Variants in SLC25A12 observed in about 807,000 individuals in gnomAD.
SLC25A12 encodes the protein solute carrier family 25 member 12.
A neutral mutation model predicts 83.3 loss-of-function variants in SLC25A12; 32 were observed. The ratio of observed to expected loss-of-function variants is 0.38; its 90% CI spans 0.29 to 0.52. The LOEUF (loss-of-function observed/expected upper bound fraction) is 0.52, where lower values mean the gene tolerates loss of function less well. Ranked by LOEUF, SLC25A12 falls within the 20% of genes least tolerant of loss-of-function variation. The pLI is 0.84. For synonymous variants in SLC25A12, 267 were observed against 291.1 expected (o/e 0.92, Z 0.84); for missense variants, 611 against 835.6 (o/e 0.73, Z 3.31).
intron 13 of SLC25A12, among the ~76,000 whole-genome samples, chr2:171,806,483 C>G (rs574901715): frequency 6.6e-6 from 1 of 152,024 alleles, no homozygotes; most frequent in African/African-American, 2.4e-5. Flanking sequence ...AAAAACAAAC[C>G]AGATAATAAA....
At chr2:171,793,798 T>G (rs1683538716) in intron 13 of SLC25A12, 31 bp from the exon 14 acceptor site, 3 of 1,613,896 alleles carry the variant, frequency 1.9e-6, no homozygotes, top group Non-Finnish European at 2.5e-6. Context: ...ACAGGCAGAT[T>G]CCACATCAGA....
At chr2:171,859,929 G>C (rs1441917734) in intron 3 of SLC25A12, among the ~76,000 whole-genome samples, 1 of 152,008 alleles carries the variant, frequency 6.6e-6, no homozygotes, top group African/African-American at 2.4e-5. Context: ...CACCACACCA[G>C]GCTAATTTTT....
intron 2 of SLC25A12, among the ~76,000 whole-genome samples, chr2:171,886,692 T>A (rs768661929): frequency 3.3e-5 from 5 of 151,786 alleles, no homozygotes; most frequent in African/African-American, 9.7e-5. Context: ...TTGTATTTTT[T>A]GTAGAGACAG....
chr2:171,882,437 C>T (rs1685717565), intron 2 of SLC25A12, among the ~76,000 whole-genome samples: 1 of 152,186 alleles, frequency 6.6e-6, no homozygotes, highest in Admixed American at 6.5e-5. Context: ...GAAACAGTAC[C>T]TTTTCTCTGC....
intron 4 of SLC25A12, chr2:171,845,637 C>T: frequency 4.7e-6 from 1 of 210,634 alleles, no homozygotes; most frequent in South Asian, 6.1e-5. Flanking sequence ...TTAATGGATT[C>T]CCTTTAGTTT....
chr2:171,798,283 GC>G (rs1325339844), intron 13 of SLC25A12, among the ~76,000 whole-genome samples: 2 of 152,144 alleles, frequency 1.3e-5, no homozygotes, highest in South Asian at 2.1e-4. Context: ...AGTGCCAAAG[GC>G]CGAGGGGCTG....
chr2:171,831,005 T>C (rs529551719), intron 8 of SLC25A12, among the ~76,000 whole-genome samples: 1 of 152,344 alleles, frequency 6.6e-6, no homozygotes, highest in South Asian at 2.1e-4. Flanking sequence ...GTTGGTGAAG[T>C]ACACCATGAG....
intron 9 of SLC25A12, among the ~76,000 whole-genome samples, chr2:171,826,136 A>G (rs1169901370): frequency 6.6e-6 from 1 of 152,212 alleles, no homozygotes; most frequent in Admixed American, 6.5e-5. Context: ...AACCCTATAA[A>G]TATCAGTTTA....
intron 3 of SLC25A12, among the ~76,000 whole-genome samples, chr2:171,865,930 G>A (rs997849584): frequency 2.7e-5 from 4 of 149,204 alleles, no homozygotes; most frequent in Non-Finnish European, 6.0e-5. Context: ...GTGGAGGGAA[G>A]GTCAGCAGAT....
intron 5 of SLC25A12, among the ~76,000 whole-genome samples, chr2:171,842,525 T>C (rs920147538): frequency 2.6e-5 from 4 of 151,820 alleles, no homozygotes; most frequent in African/African-American, 9.7e-5. Context: ...ATCCAGGAGG[T>C]GGAGGTTGCA....
intron 2 of SLC25A12, among the ~76,000 whole-genome samples, chr2:171,871,166 C>T (rs1035983625): frequency 2.6e-5 from 4 of 152,120 alleles, no homozygotes; most frequent in African/African-American, 9.7e-5. Flanking sequence ...TGTGCCACCA[C>T]ACTCCAGTCT....
chr2:171,825,592 T>C (rs1684284253), intron 9 of SLC25A12, among the ~76,000 whole-genome samples: 1 of 152,172 alleles, frequency 6.6e-6, no homozygotes, highest in African/African-American at 2.4e-5. Flanking sequence ...TCTCTCTCTG[T>C]ATCCTGTCTT....
At chr2:171,867,207 C>T (rs1473739477) in intron 3 of SLC25A12, among the ~76,000 whole-genome samples, 191 of 140,756 alleles carry the variant, frequency 1.4e-3, no homozygotes, top group South Asian at 9.6e-3. Context: ...CAGGCAGAGA[C>T]GCTCCTCACT....
At chr2:171,873,504 A>G (rs1413962904) in intron 2 of SLC25A12, among the ~76,000 whole-genome samples, 2 of 152,196 alleles carry the variant, frequency 1.3e-5, no homozygotes, top group Admixed American at 6.5e-5. Flanking sequence ...GAACCAACAC[A>G]GTGGGCATGA....
At chr2:171,882,854 G>A (rs966923564) in intron 2 of SLC25A12, among the ~76,000 whole-genome samples, 1 of 152,172 alleles carries the variant, frequency 6.6e-6, no homozygotes, top group Non-Finnish European at 1.5e-5. Context: ...TTTCAAGTCT[G>A]TGTCTTGGGA....
At chr2:171,871,428 G>A (rs937929382) in intron 2 of SLC25A12, among the ~76,000 whole-genome samples, 1 of 152,180 alleles carries the variant, frequency 6.6e-6, no homozygotes, top group Non-Finnish European at 1.5e-5. Context: ...ATCCAAGCAT[G>A]GTGGCATGCG....
At chr2:171,785,503 A>C in intron 17 of SLC25A12, 28 bp from the exon 18 acceptor site, 1 of 1,606,810 alleles carries the variant, frequency 6.2e-7, no homozygotes, top group African/African-American at 1.3e-5. Context: ...GCCAATGGTT[A>C]GCATGCTCAA....
At chr2:171,850,212 T>C (rs1008518051) in intron 4 of SLC25A12, among the ~76,000 whole-genome samples, 1 of 151,384 alleles carries the variant, frequency 6.6e-6, no homozygotes, top group African/African-American at 2.4e-5. Context: ...GCCTCCCAGA[T>C]TCAAGCAATT....
intron 6 of SLC25A12, 111 bp downstream of exon 6, chr2:171,837,010 G>T: frequency 1.0e-6 from 1 of 1,004,114 alleles, no homozygotes; most frequent in South Asian, 1.4e-5. Flanking sequence ...TACCAACCAA[G>T]CATGAAATTT....
Sources: allele counts gnomAD v4.1 joint callset (sites outside exome capture counted in the v4.1 genomes callset), GRCh38; gene constraint gnomAD v4.1.1; transcripts MANE v1.5; gene names NCBI Gene and HGNC (gene_info 2026-07-23, HGNC 2026-07-21).